Variants in MGAT4C observed in about 807,000 individuals in gnomAD.
The protein encoded by MGAT4C is MGAT4 family member C.
A neutral mutation model predicts 40.1 loss-of-function variants in MGAT4C; 19 were observed. That is an observed-to-expected ratio of 0.47 (90% CI 0.33 to 0.70). MGAT4C has a LOEUF of 0.70. Among genes scored for constraint, MGAT4C ranks in the 30% least tolerant of loss-of-function variants. MGAT4C has a pLI of 0.02. For synonymous variants in MGAT4C, 181 were observed against 187.1 expected (o/e 0.97, Z 0.27); for missense variants, 491 against 563.2 (o/e 0.87, Z 1.30).
chr12:86,712,484 A>G (rs1311589837), intron 2 of MGAT4C, among the ~76,000 whole-genome samples: 1 of 152,116 alleles, frequency 6.6e-6, no homozygotes, highest in Non-Finnish European at 1.5e-5. Flanking sequence ...GCTGTGTTTT[A>G]TCAGCACAAG....
intron 4 of MGAT4C, among the ~76,000 whole-genome samples, chr12:86,306,059 C>A (rs1446304812): frequency 6.6e-6 from 1 of 150,398 alleles, no homozygotes; most frequent in Non-Finnish European, 1.5e-5. Context: ...AGGTTGAATT[C>A]ATATTGATTA....
intron 1 of MGAT4C, among the ~76,000 whole-genome samples, chr12:86,771,705 T>C (rs965311081): frequency 3.3e-5 from 5 of 150,332 alleles, no homozygotes; most frequent in Non-Finnish European, 7.4e-5. Context: ...TGTGTGTGTG[T>C]GTGTGTGTGT....
chr12:86,769,400 CT>C (rs1951585845), intron 1 of MGAT4C, among the ~76,000 whole-genome samples: 1 of 152,026 alleles, frequency 6.6e-6, no homozygotes, highest in Non-Finnish European at 1.5e-5. Flanking sequence ...CATAGGAACA[CT>C]TTTACACTGT....
chr12:86,487,137 T>C (rs1958033976), intron 2 of MGAT4C, among the ~76,000 whole-genome samples: 1 of 152,202 alleles, frequency 6.6e-6, no homozygotes, highest in South Asian at 2.1e-4. Flanking sequence ...AAGCAAATGA[T>C]GATTTCTTGA....
At chr12:86,361,159 C>A (rs1955456198) in intron 3 of MGAT4C, among the ~76,000 whole-genome samples, 1 of 152,104 alleles carries the variant, frequency 6.6e-6, no homozygotes, top group Non-Finnish European at 1.5e-5. Context: ...TGGAACAGAA[C>A]AAAGCCATCA....
At chr12:86,220,503 C>T (rs549832486) in intron 1 of MGAT4C, among the ~76,000 whole-genome samples, 1 of 152,230 alleles carries the variant, frequency 6.6e-6, no homozygotes, top group Admixed American at 6.5e-5. Context: ...GAATTTACCA[C>T]CCTAATCCCT....
At chr12:86,260,879 A>G (rs1457778506), upstream of MGAT4C, among the ~76,000 whole-genome samples, 1 of 151,992 alleles carries the variant, frequency 6.6e-6, no homozygotes, top group African/African-American at 2.4e-5. Context: ...CCCATATCCC[A>G]TTATATTTTT....
chr12:86,097,871 T>A (rs1340258170), intron 1 of MGAT4C, among the ~76,000 whole-genome samples: 2 of 151,666 alleles, frequency 1.3e-5, no homozygotes, highest in East Asian at 1.9e-4. Flanking sequence ...TACTACTGCA[T>A]CTTCCCCTGA....
At chr12:86,834,948 C>G (rs1953006461) in intron 1 of MGAT4C, among the ~76,000 whole-genome samples, 1 of 151,892 alleles carries the variant, frequency 6.6e-6, no homozygotes, top group South Asian at 2.1e-4. Context: ...AAAGCACCTT[C>G]AAAACAATTA....
chr12:86,442,664 G>T (rs1957254320), intron 2 of MGAT4C, among the ~76,000 whole-genome samples: 1 of 151,832 alleles, frequency 6.6e-6, no homozygotes, highest in East Asian at 1.9e-4. Flanking sequence ...TAGGTATGCA[G>T]CGTTATTTCT....
chr12:86,423,271 T>C (rs560339566), intron 3 of MGAT4C, among the ~76,000 whole-genome samples: 6 of 151,948 alleles, frequency 3.9e-5, no homozygotes, highest in Admixed American at 2.6e-4. Context: ...AATAAAACAC[T>C]ATTAAATATT....
intron 1 of MGAT4C, among the ~76,000 whole-genome samples, chr12:86,132,964 G>A (rs1305920147): frequency 6.6e-6 from 1 of 152,036 alleles, no homozygotes; most frequent in Non-Finnish European, 1.5e-5. Context: ...TTTCTTTACC[G>A]AGTCTATATA....
At chr12:86,389,188 G>A (rs376128087) in intron 3 of MGAT4C, among the ~76,000 whole-genome samples, 11 of 151,814 alleles carry the variant, frequency 7.2e-5, no homozygotes, top group South Asian at 2.1e-4. Context: ...TATCTTCTCC[G>A]TCCTCCCATT....
At chr12:86,541,497 A>G (rs1959167437) in intron 2 of MGAT4C, among the ~76,000 whole-genome samples, 1 of 152,202 alleles carries the variant, frequency 6.6e-6, no homozygotes, top group Admixed American at 6.5e-5. Context: ...AACCAAAAGC[A>G]GTCCAAATTT....
intron 4 of MGAT4C, among the ~76,000 whole-genome samples, chr12:86,320,613 T>C (rs1433238941): frequency 6.6e-6 from 1 of 152,106 alleles, no homozygotes; most frequent in Non-Finnish European, 1.5e-5. Flanking sequence ...AATTTACAGG[T>C]ATAAAATTAG....
intron 1 of MGAT4C, among the ~76,000 whole-genome samples, chr12:86,081,686 C>T (rs561026206): frequency 1.3e-5 from 2 of 152,036 alleles, no homozygotes; most frequent in African/African-American, 2.4e-5. Flanking sequence ...GAAGCTTGCA[C>T]ATTGAGGCCT....
intron 2 of MGAT4C, among the ~76,000 whole-genome samples, chr12:86,623,469 A>C (rs1430355264): frequency 6.6e-6 from 1 of 152,198 alleles, no homozygotes; most frequent in African/African-American, 2.4e-5. Context: ...CAATGAACAA[A>C]GATATAAATG....
chr12:86,420,259 G>A (rs1042291211), intron 3 of MGAT4C, among the ~76,000 whole-genome samples: 5 of 151,958 alleles, frequency 3.3e-5, no homozygotes, highest in Admixed American at 6.6e-5. Flanking sequence ...GCATGTGCCC[G>A]CAGTCCCAGT....
At chr12:86,084,957 G>A (rs1236686587) in intron 1 of MGAT4C, among the ~76,000 whole-genome samples, 3 of 151,982 alleles carry the variant, frequency 2.0e-5, no homozygotes, top group African/African-American at 7.2e-5. Context: ...GAGAGGTAGT[G>A]AGGAACTACG....
Sources: allele counts gnomAD v4.1 joint callset (sites outside exome capture counted in the v4.1 genomes callset), GRCh38; gene constraint gnomAD v4.1.1; transcripts MANE v1.5; gene names NCBI Gene and HGNC (gene_info 2026-07-23, HGNC 2026-07-21).